The following MDC1 variants were observed in gnomAD, a reference collection of about 807,000 sequenced individuals.
The protein encoded by MDC1 is mediator of DNA damage checkpoint 1, also known as mediator of DNA damage checkpoint protein 1.
A neutral mutation model predicts 142.5 loss-of-function variants in MDC1; 81 were observed. The observed-to-expected ratio is 0.57, with a 90% CI of 0.47 to 0.68. The LOEUF is 0.68. Among genes scored for constraint, MDC1 ranks in the 30% least tolerant of loss-of-function variants. The pLI is 0.00. For missense variants in MDC1, 2,119 were observed against 2,547.9 expected, an observed-to-expected ratio of 0.83 and a Z score of 3.62; for synonymous variants, 797 against 968.4, an observed-to-expected ratio of 0.82 and a Z score of 3.29.
At position 30,704,787 on chromosome 6, in the gene MDC1, T is replaced by A. The variant is rs1033514189; in HGVS notation, c.4396A>T (p.Thr1466Ser). The A allele has an allele frequency of 3.7e-6, 6 of 1,612,258 alleles. No homozygotes were observed. Among genetic ancestry groups the A allele is most frequent in the Non-Finnish European group, 4.2e-6 (5 of 1,179,358 alleles). Reference sequence around the variant, plus strand: ...GTAGCCTGAGACGTAGGCTCAGGGGTAACAGGCTGGTCTGTGGAGGTGGAA... The same window carrying A: ...GTAGCCTGAGACGTAGGCTCAGGGGAAACAGGCTGGTCTGTGGAGGTGGAA... ...QPSTSTDQPV[T>S]PEPTSQATRG... The change falls in exon 10 of 15, where the codon ACC becomes TCC. Residue 1466 changes from threonine (T) to serine (S), a missense_variant. Coordinates refer to ENST00000376406, the MANE Select transcript of MDC1 (RefSeq NM_014641.3).
Position 30,705,403 on chromosome 6 carries a change from G to A in MDC1, c.3780C>T (p.Val1260=). Residue 1260 remains valine, a synonymous_variant, in exon 10 of 15, where the codon GTC becomes GTT. Transcript: ENST00000376406. ...LQPSTSTDQP[V]TSEPTYQATR... is the part of the protein sequence containing the mutation. The stretch of plus-strand genomic sequence containing the variant: ...TAGCCTGATATGTGGGCTCAGAAGT[G>A]ACAGGCTGGTCTGTGGAGGTGGAAG... 6.2e-7 allele frequency: 1 copy of A among 1,600,220 alleles called. No individual in the cohort carries two copies. Among genetic ancestry groups the A allele is most frequent in the Admixed American group, 1.7e-5 (1 of 57,748 alleles).
chr6:30,711,286 G>A, intron 7 of MDC1, 126 bp downstream of exon 7: 1 of 814,540 alleles, frequency 1.2e-6, no homozygotes, highest in Non-Finnish European at 2.0e-6. Flanking sequence ...TGAAGGAAGA[G>A]AAACCGCCTG....
chr6:30,704,638 A>T lies in MDC1; in HGVS notation c.4545T>A (p.Thr1515=). 1 of 1,605,894 alleles carries T rather than the reference A, an allele frequency of 6.2e-7. No homozygotes were observed. Among genetic ancestry groups the T allele is most frequent in the South Asian group, 1.1e-5 (1 of 90,698 alleles). The part of the protein sequence containing the change: ...PVTSEPTSRT[T]RGRKNRSSVK... ...CAGAGGACCGATTTTTTCTTCCCCT[A>T]GTGGTCCGAGATGTGGGCTCAGAGG... The change falls in exon 10 of 15, where the codon ACT becomes ACA. Residue 1515 remains threonine (T), a synonymous_variant. Transcript: ENST00000376406.
Position 30,704,248 on chromosome 6 carries a change from G to A in MDC1, c.4935C>T (p.Ser1645=), listed in dbSNP as rs1014251523. ...SRATRRKTNR[S]SVKTPKPVEP... ...CAACTGGTTTGGGAGTCTTGACAGA[G>A]GACCTATTTGTCTTTCTCCTAGTGG... Residue 1645 remains serine (S), a synonymous_variant, in exon 10 of 15, where the codon TCC becomes TCT. Transcript: ENST00000376406. 1 of 1,613,562 alleles carries A rather than the reference G, an allele frequency of 6.2e-7. No homozygotes were observed. The highest frequency in any genetic ancestry group is 1.3e-5 in the African/African-American group (1 of 74,872).
In MDC1 at chr6:30,704,417, G is replaced by A. The variant is rs1773340058; in HGVS notation, c.4766C>T (p.Thr1589Ile). The part of the protein sequence containing the change: ...QPSTSRNQLV[T>I]PEPTSRATRC... ...AGTGGCCCGAGATGTGGGCTCAGGG[G>A]TGACAAGCTGGTTTCTGGAGGTGGA... is the stretch of plus-strand genomic sequence containing the variant. Residue 1589 changes from threonine to isoleucine, a missense_variant, in exon 10 of 15, where the codon ACC (threonine) becomes ATC (isoleucine). Coordinates refer to ENST00000376406, the MANE Select transcript of MDC1 (RefSeq NM_014641.3). 6.2e-7 allele frequency: 1 copy of A among 1,612,868 alleles called. No individual in the cohort carries two copies. Among genetic ancestry groups the A allele is most frequent in the South Asian group, 1.1e-5 (1 of 90,934 alleles).
In MDC1 at chr6:30,705,732, T is replaced by C. The variant is rs1773679828; in HGVS notation, c.3451A>G (p.Asn1151Asp). Residue 1151 changes from asparagine (N) to aspartate (D), a missense_variant, in exon 10 of 15, where the codon AAT (asparagine) becomes GAT (aspartate). Physicochemically the swap from Asn to Asp is conservative, Grantham distance 23 (BLOSUM62 1). Transcript: ENST00000376406. ...PTSQATRSRT[N>D]RSSVKTPEPV... ...TCAGGGGTCTTGACAGAGGACCTAT[T>C]TGTCCTGCTCCTAGTGGCCTGAGAT... The C allele has an allele frequency of 1.9e-6, 3 of 1,613,084 alleles. No individual in the cohort carries two copies. Among genetic ancestry groups the C allele is most frequent in the Non-Finnish European group, 2.5e-6 (3 of 1,179,438 alleles).
Position 30,704,199 on chromosome 6 carries a change from G to C in MDC1, c.4984C>G (p.Pro1662Ala), listed in dbSNP as rs776240801. Residue 1662 changes from proline to alanine, a missense_variant, in exon 10 of 15, where the codon CCT (proline) becomes GCT (alanine). Transcript: ENST00000376406. ...ACGGACTGGTCTGTGGGGGTAAAAG[G>C]CTCAAGATCAGAGGCTGCTGGTTCA... is the stretch of plus-strand genomic sequence containing the variant. Reference protein sequence around the residue: ...PVEPAASDLEPFTPTDQSVTP... With the variant: ...PVEPAASDLEAFTPTDQSVTP... 3.1e-6 allele frequency: 5 copies of C among 1,613,596 alleles called. No homozygotes were observed. In the African/African-American group the frequency reaches 6.7e-5, roughly 22 times the overall value.
In MDC1 at chr6:30,702,774, G is replaced by A. The variant is rs770806736; in HGVS notation, c.5969C>T (p.Ala1990Val). The A allele has an allele frequency of 2.5e-6, 4 of 1,613,134 alleles. No individual in the cohort carries two copies. In the African/African-American group the frequency reaches 4.0e-5, roughly 16 times the overall value. The change falls in exon 13 of 15, where the codon GCT becomes GTT. Residue 1990 changes from alanine (A) to valine (V), a missense_variant. Ala to Val is a moderately conservative substitution (Grantham distance 64). Transcript: ENST00000376406. ...GFSLQDALSRARERRLLEGYE... is the reference protein window; with the variant it reads ...GFSLQDALSRVRERRLLEGYE... ...CACCTCTAGCAGCCTTCGCTCCCGA[G>A]CCCTGCTCAGTGCGTCTTGAAGGCT...
intron 8 of MDC1, 45 bp downstream of exon 8, chr6:30,707,521 A>G: frequency 6.2e-7 from 1 of 1,613,060 alleles, no homozygotes; most frequent in African/African-American, 1.3e-5. Flanking sequence ...GTTGATTATC[A>G]CGAGGCCTGT....
rs28994871 is a variant in MDC1, at chr6:30,703,949, G to T, written c.5234C>A (p.Pro1745His). ...APIDHKPCSAPLEPKSQASRN... is the reference protein window; with the variant it reads ...APIDHKPCSAHLEPKSQASRN... ...TGAGGCCTGGGATTTAGGTTCCAAG[G>T]GTGCAGAGCAAGGCTTATGGTCAAT... Residue 1745 changes from proline to histidine, a missense_variant, in exon 10 of 15, where the codon CCC becomes CAC. Physicochemically the swap from Pro to His is moderately conservative, Grantham distance 77 (BLOSUM62 -2). Coordinates refer to ENST00000376406, the MANE Select transcript of MDC1 (RefSeq NM_014641.3). The surrounding 1 kb of genome is among the most constrained non-coding windows in gnomAD (Gnocchi z 4.4). 6.2e-7 allele frequency: 1 copy of T among 1,614,164 alleles called. No homozygotes were observed. The highest frequency in any genetic ancestry group is 8.5e-7 in the Non-Finnish European group (1 of 1,180,026).
chr6:30,701,778 C>T (rs1165597221), intron 14 of MDC1, among the ~76,000 whole-genome samples: 7 of 151,874 alleles, frequency 4.6e-5, no homozygotes, highest in Non-Finnish European at 1.0e-4. Flanking sequence ...GTTAATTTTG[C>T]TTAGGATCAA....
intron 12 of MDC1, 49 bp from the exon 13 acceptor site, chr6:30,702,926 A>G (rs1371605236): frequency 1.2e-6 from 2 of 1,611,590 alleles, no homozygotes; most frequent in Non-Finnish European, 8.5e-7. Flanking sequence ...CCCCTCAATC[A>G]GCTCTGCTGC....
In MDC1 at chr6:30,715,164, G is replaced by T; in HGVS notation, c.12C>A (p.Thr4=). MED[T]QAIDWDVEEE... ...CTTCAACATCCCAGTCAATAGCCTG[G>T]GTGTCCTCCATGATCTGGGAAGGAT... is the stretch of plus-strand genomic sequence containing the variant. The change falls in exon 2 of 15, where the codon ACC becomes ACA. Residue 4 remains threonine, a synonymous_variant. Transcript: ENST00000376406. The surrounding 1 kb of genome is among the most constrained non-coding windows in gnomAD (Gnocchi z 4.1). 1 of 1,613,934 alleles carries T rather than the reference G, an allele frequency of 6.2e-7. No homozygotes were observed. The highest frequency in any genetic ancestry group is 8.5e-7 in the Non-Finnish European group (1 of 1,179,980).
chr6:30,700,615 G>A lies in MDC1; in HGVS notation c.6120C>T (p.Ile2040=). The A allele has an allele frequency of 6.2e-7, 1 of 1,612,874 alleles. No individual in the cohort carries two copies. Among genetic ancestry groups the A allele is most frequent in the African/African-American group, 1.3e-5 (1 of 75,012 alleles). ...PRSYKPQRVV[I]TCPQDFPHCS... ...AATGAGGGAAGTCCTGAGGGCATGT[G>A]ATCACAACTCTCTGAGGCTGGGGAA... Residue 2040 remains isoleucine, a synonymous_variant, in exon 15 of 15, where the codon ATC becomes ATT. Coordinates refer to ENST00000376406, the MANE Select transcript of MDC1 (RefSeq NM_014641.3).
rs1484606263 is a variant in MDC1 at position 30,703,173 on chromosome 6, G to A, written c.5796C>T (p.Arg1932=). 6.2e-7 allele frequency: 1 copy of A among 1,613,106 alleles called. No individual in the cohort carries two copies. Among genetic ancestry groups the A allele is most frequent in the South Asian group, 1.1e-5 (1 of 91,088 alleles). The change falls in exon 12 of 15, where the codon CGC becomes CGT. Residue 1932 remains arginine, a synonymous_variant. Transcript: ENST00000376406. This position sits in a 1 kb window ranked among gnomAD's most constrained non-coding sequence, Gnocchi z 4.4. ...GGGCACACAGGAACTTGACTGTCCG[G>A]CGGATGCGATCAGTGACCAGGTGGG... ...EASHLVTDRI[R]RTVKFLCALG...
Position 30,703,227 on chromosome 6 carries a change from TC to T in MDC1, c.5741del (p.Gly1914GlufsTer57), listed in dbSNP as rs1344945241. ...RGERAVLALG[G>X]SLAGSAAEAS... ...CCTCTGCCGCTGAACCAGCCAGACT[TC>T]CCCCCAGTGCCAGCACAGCCCGCTC... On this transcript the variant is annotated frameshift_variant, in exon 12 of 15. Coordinates refer to ENST00000376406, the MANE Select transcript of MDC1 (RefSeq NM_014641.3). LOFTEE classifies it high-confidence loss of function. The surrounding 1 kb of genome is among the most constrained non-coding windows in gnomAD (Gnocchi z 4.4). 4.3e-6 allele frequency: 7 copies of T among 1,612,846 alleles called. No individual in the cohort carries two copies. Among genetic ancestry groups the T allele is most frequent in the South Asian group, 1.1e-5 (1 of 91,070 alleles).
Position 30,715,724 on chromosome 6 carries a change from TA to T in MDC1, c.-3-547del, listed in dbSNP as rs1330346714. ...CAGATGCAACTGCAAAAAATGATAA[TA>T]AAAGATGACATATATAGAAGCTTCC... On this transcript the variant is annotated intron_variant, in intron 1 of 14. Transcript: ENST00000376406. This position sits in a 1 kb window ranked among gnomAD's most constrained non-coding sequence, Gnocchi z 4.1. Among the ~76,000 whole-genome samples, 4 of 152,338 alleles carry T rather than the reference TA, an allele frequency of 2.6e-5. No homozygotes were observed. The South Asian group carries it at 8.3e-4, about 32-fold the overall frequency.
At position 30,705,883 on chromosome 6, in the gene MDC1, AG is replaced by A; in HGVS notation, c.3299del (p.Pro1100LeufsTer16). The A allele has an allele frequency of 6.2e-7, 1 of 1,611,162 alleles. No individual in the cohort carries two copies. Among genetic ancestry groups the A allele is most frequent in the Non-Finnish European group, 8.5e-7 (1 of 1,178,778 alleles). On this transcript the variant is annotated frameshift_variant, in exon 10 of 15. Transcript: ENST00000376406. LOFTEE classifies it high-confidence loss of function. ...TTCTAATTTTAGGCTTTGGGTGGAA[AG>A]GCTCCAGCTCTGAGGACAAGGGAGC... ...PEAPLSSELE[P>X]FHPKPKIRTR...
At chr6:30,701,776 T>C (rs1242270002) in intron 14 of MDC1, among the ~76,000 whole-genome samples, 1 of 152,208 alleles carries the variant, frequency 6.6e-6, no homozygotes. Context: ...CTGTTAATTT[T>C]GCTTAGGATC....
Sources: gnomAD v4.1 joint callset for allele counts (sites outside exome capture counted in the v4.1 genomes callset) on GRCh38, gnomAD v4.1.1 for gene constraint, Gnocchi (gnomAD v3.1) non-coding constraint, MANE v1.5 for transcripts, NCBI Gene and HGNC (gene_info 2026-07-23, HGNC 2026-07-21) for gene names.